Variants in RBFOX1 observed in about 807,000 individuals in gnomAD.
The protein encoded by RBFOX1 is RNA binding protein fox-1 homolog 1.
In RBFOX1, 8 loss-of-function variants were observed where a neutral mutation model predicts 57.7. That is an observed-to-expected ratio of 0.14 (90% confidence interval 0.08 to 0.25). RBFOX1 has a LOEUF of 0.25. Ranked by LOEUF, RBFOX1 falls within the 10% of genes least tolerant of loss-of-function variation. RBFOX1 has a pLI of 1.00. For synonymous variants in RBFOX1, 326 were observed against 222.4 expected (o/e 1.47, Z -4.15); for missense variants, 611 against 548.5 (o/e 1.11, Z -1.14).
chr16:5,633,860 A>AC (rs2048599060), intron 3 of RBFOX1, among the ~76,000 whole-genome samples: 1 of 151,798 alleles, frequency 6.6e-6, no homozygotes, highest in Non-Finnish European at 1.5e-5. Context: ...CTTAAAAAAA[A>AC]AAAAAAGTAG....
At chr16:7,538,841 T>C (rs1018582279) in intron 5 of RBFOX1, among the ~76,000 whole-genome samples, 1 of 149,612 alleles carries the variant, frequency 6.7e-6, no homozygotes, top group African/African-American at 2.5e-5. Context: ...ACACATCTCC[T>C]CCCCCGCACC....
At chr16:6,273,448 G>T (rs998025563) in intron 1 of RBFOX1, among the ~76,000 whole-genome samples, 2 of 143,622 alleles carry the variant, frequency 1.4e-5, no homozygotes, top group African/African-American at 2.6e-5. Flanking sequence ...AGCTTCCAGC[G>T]ATTCTCCTGC....
At chr16:7,132,738 C>G (rs563552542) in intron 4 of RBFOX1, among the ~76,000 whole-genome samples, 92 of 151,988 alleles carry the variant, frequency 6.1e-4, no homozygotes, top group African/African-American at 2.1e-3. Flanking sequence ...CACAAGAAGA[C>G]AAATACTGCA....
Position 6,013,509 on chromosome 16 carries a change from C to T in RBFOX1, c.351+146174C>T, listed in dbSNP as rs540167247. ...ATTGACATGATTCTAAGCCTGGCTA[C>T]ATGGAGATGAGTCCTAGTAAACAAA... On this transcript the variant is annotated intron_variant, in intron 4 of 19. Transcript: ENST00000641259. Among the ~76,000 whole-genome samples, 271 of 152,160 alleles carry T rather than the reference C, an allele frequency of 1.8e-3. 2 individuals are homozygous for T. The highest frequency in any genetic ancestry group is 6.4e-3 in the African/African-American group (264 of 41,498).
chr16:6,045,241 C>G (rs1004722915), intron 1 of RBFOX1, among the ~76,000 whole-genome samples: 1 of 152,174 alleles, frequency 6.6e-6, no homozygotes, highest in Non-Finnish European at 1.5e-5. Context: ...CTGCTGCTGA[C>G]CTGTGGAACA....
At chr16:5,387,489 G>T (rs189565324) in intron 1 of RBFOX1, among the ~76,000 whole-genome samples, 251 of 152,286 alleles carry the variant, frequency 1.6e-3, no homozygotes, top group Non-Finnish European at 2.5e-3. Context: ...TGCTGCTCCA[G>T]TTATCACATC....
At chr16:7,074,360 C>T (rs770711734) in intron 4 of RBFOX1, among the ~76,000 whole-genome samples, 11 of 152,180 alleles carry the variant, frequency 7.2e-5, no homozygotes, top group African/African-American at 1.2e-4. Context: ...GTAATTACGG[C>T]TTTTGCCATT....
chr16:7,376,556 G>A (rs1286917908), intron 4 of RBFOX1, among the ~76,000 whole-genome samples: 1 of 152,094 alleles, frequency 6.6e-6, no homozygotes, highest in Non-Finnish European at 1.5e-5. Flanking sequence ...TCCAACCTCC[G>A]AGTTTTCTGG....
intron 2 of RBFOX1, among the ~76,000 whole-genome samples, chr16:6,608,076 TTAA>T (rs1445258784): frequency 6.6e-6 from 1 of 152,206 alleles, no homozygotes. Flanking sequence ...TTGAGAGAAA[TTAA>T]TGAGACAATG....
chr16:6,087,183 G>A (rs12927811), intron 1 of RBFOX1, among the ~76,000 whole-genome samples: 61,374 of 152,064 alleles, frequency 0.4, 14,226 homozygotes, highest in Non-Finnish European at 0.54. Context: ...GTATTATGAC[G>A]TTAGAACGCC....
chr16:7,015,949 A>C (rs75137950), intron 3 of RBFOX1, among the ~76,000 whole-genome samples: 1 of 152,288 alleles, frequency 6.6e-6, no homozygotes, highest in African/African-American at 2.4e-5. Context: ...CAGTTAATTC[A>C]TCATTTACCC....
rs182881013 is a variant in RBFOX1, at chr16:6,510,643, A to T, written c.-63-143960A>T. Among the ~76,000 whole-genome samples the T allele has an allele frequency of 2.0e-5, 3 of 152,328 alleles. No individual in the cohort carries two copies. In the East Asian group the frequency reaches 5.8e-4, roughly 29 times the overall value. ...GGCTCCCTACCAAATGATTTTTAAT[A>T]GTCTGTATCCCTCCCACAAACACAG... is the stretch of plus-strand genomic sequence containing the variant. On this transcript the variant is annotated intron_variant, in intron 2 of 15. Coordinates refer to ENST00000550418, the MANE Select transcript of RBFOX1 (RefSeq NM_018723.4).
intron 14 of RBFOX1, among the ~76,000 whole-genome samples, chr16:7,702,629 C>T (rs149374340): frequency 6.6e-6 from 1 of 152,304 alleles, no homozygotes; most frequent in East Asian, 1.9e-4. Flanking sequence ...GCGCCCTCCC[C>T]TTCTGGTCTT....
intron 4 of RBFOX1, among the ~76,000 whole-genome samples, chr16:7,370,279 C>T (rs868575770): frequency 2.6e-4 from 40 of 152,046 alleles, no homozygotes; most frequent in African/African-American, 8.9e-4. Context: ...TTCTTGGTAC[C>T]CATTAAGACA....
chr16:5,957,245 T>G (rs1040633179), intron 4 of RBFOX1, among the ~76,000 whole-genome samples: 1 of 151,898 alleles, frequency 6.6e-6, no homozygotes, highest in Non-Finnish European at 1.5e-5. Flanking sequence ...GACAGAGTCT[T>G]GGTCTGTTGC....
intron 1 of RBFOX1, among the ~76,000 whole-genome samples, chr16:6,071,508 T>C (rs1340902965): frequency 6.7e-6 from 1 of 149,138 alleles, no homozygotes; most frequent in African/African-American, 2.5e-5. Flanking sequence ...AACCTGCATG[T>C]GTAGTCCTGA....
At chr16:5,411,696 T>G (rs565292969) in intron 1 of RBFOX1, among the ~76,000 whole-genome samples, 3 of 151,990 alleles carry the variant, frequency 2.0e-5, no homozygotes, top group Admixed American at 6.6e-5. Flanking sequence ...GCCCAGGAGT[T>G]TGAGACCAGC....
intron 3 of RBFOX1, among the ~76,000 whole-genome samples, chr16:6,702,330 G>A (rs543716274): frequency 6.6e-6 from 1 of 152,166 alleles, no homozygotes; most frequent in South Asian, 2.1e-4. Flanking sequence ...GAGGCAGGCA[G>A]ATTACCTGAG....
intron 3 of RBFOX1, among the ~76,000 whole-genome samples, chr16:6,765,613 G>A (rs760991923): frequency 6.6e-6 from 1 of 152,102 alleles, no homozygotes; most frequent in African/African-American, 2.4e-5. Context: ...AGTAAAAGTA[G>A]GTCTACCATT....
Sources: gnomAD v4.1 joint callset for allele counts (sites outside exome capture counted in the v4.1 genomes callset) on GRCh38, gnomAD v4.1.1 for gene constraint, MANE v1.5 for transcripts, NCBI Gene and HGNC (gene_info 2026-07-23, HGNC 2026-07-21) for gene names.